The following LTBP1 variants were observed in gnomAD, a reference collection of about 807,000 sequenced individuals.
The protein encoded by LTBP1 is latent-transforming growth factor beta-binding protein 1.
Under a neutral mutation model 207.6 loss-of-function variants are expected in LTBP1, and 129 were observed. That is an observed-to-expected ratio of 0.62 (90% CI 0.54 to 0.72). The LOEUF is 0.72. LTBP1 is among the 30% of genes least tolerant of loss of function. LTBP1 has a pLI of 0.00. For synonymous variants in LTBP1, 963 were observed against 833.7 expected, an observed-to-expected ratio of 1.16 and a Z score of -2.67; for missense variants, 2,281 against 2,217.2, an observed-to-expected ratio of 1.03 and a Z score of -0.58.
intron 5 of LTBP1, among the ~76,000 whole-genome samples, chr2:33,185,398 T>C (rs1225215219): frequency 6.6e-6 from 1 of 152,174 alleles, no homozygotes; most frequent in African/African-American, 2.4e-5. Flanking sequence ...GAGGTGCCTA[T>C]GAAATATGTA....
chr2:33,302,974 CACACACACACAA>C (rs1255931199), intron 22 of LTBP1, among the ~76,000 whole-genome samples: 45 of 150,960 alleles, frequency 3.0e-4, no homozygotes, highest in African/African-American at 1.0e-3. Flanking sequence ...CACACACACA[CACACACACACAA>C]ACACACACAA....
chr2:32,980,191 C>T (rs956068200), intron 2 of LTBP1, among the ~76,000 whole-genome samples: 1 of 152,074 alleles, frequency 6.6e-6, no homozygotes, highest in Non-Finnish European at 1.5e-5. Flanking sequence ...TAAGGACTTA[C>T]TCTTACAATT....
At chr2:32,955,503 T>G (rs544844254) in intron 2 of LTBP1, among the ~76,000 whole-genome samples, 3 of 152,050 alleles carry the variant, frequency 2.0e-5, no homozygotes, top group Non-Finnish European at 4.4e-5. Flanking sequence ...TTACAAAATT[T>G]TTAAAGTTAT....
At chr2:32,958,628 C>T (rs1345677963) in intron 2 of LTBP1, among the ~76,000 whole-genome samples, 2 of 152,158 alleles carry the variant, frequency 1.3e-5, no homozygotes, top group East Asian at 1.9e-4. Context: ...GGAGTTGAGT[C>T]GAAGTAGCAT....
At chr2:33,138,888 T>C (rs1383558069) in intron 5 of LTBP1, among the ~76,000 whole-genome samples, 7 of 123,300 alleles carry the variant, frequency 5.7e-5, no homozygotes, top group African/African-American at 9.5e-5. Context: ...AGACGGAGTC[T>C]CGCTCTGTCG....
intron 9 of LTBP1, among the ~76,000 whole-genome samples, chr2:33,240,583 G>A (rs2092276448): frequency 6.6e-6 from 1 of 151,798 alleles, no homozygotes; most frequent in Non-Finnish European, 1.5e-5. Context: ...TAAAATTATG[G>A]GGATAAGTTG....
intron 2 of LTBP1, among the ~76,000 whole-genome samples, chr2:32,966,375 G>C (rs1467232442): frequency 1.3e-4 from 19 of 151,946 alleles, no homozygotes; most frequent in Non-Finnish European, 1.5e-5. Flanking sequence ...TTGTGCCTTT[G>C]GTGTTATATC....
At chr2:33,073,772 G>T (rs1399186706) in intron 3 of LTBP1, among the ~76,000 whole-genome samples, 1 of 152,020 alleles carries the variant, frequency 6.6e-6, no homozygotes, top group African/African-American at 2.4e-5. Flanking sequence ...GATTACAGGT[G>T]CCTGTCACCA....
chr2:32,955,336 T>C (rs907128006), intron 2 of LTBP1, among the ~76,000 whole-genome samples: 1 of 152,244 alleles, frequency 6.6e-6, no homozygotes, highest in African/African-American at 2.4e-5. Context: ...CCAGTTTTTC[T>C]TTAGTTAGTT....
intron 1 of LTBP1, among the ~76,000 whole-genome samples, chr2:32,948,055 A>G (rs1676525348): frequency 6.6e-6 from 1 of 152,206 alleles, no homozygotes; most frequent in Admixed American, 6.5e-5. Flanking sequence ...AGCTGCGGGT[A>G]AACACAAAAG....
chr2:32,955,365 T>A (rs529288687), intron 2 of LTBP1, among the ~76,000 whole-genome samples: 1 of 152,246 alleles, frequency 6.6e-6, no homozygotes. Flanking sequence ...GAAGTATATA[T>A]GTGTATTTTT....
At chr2:33,274,643 T>C (rs961754878) in intron 16 of LTBP1, among the ~76,000 whole-genome samples, 10 of 152,222 alleles carry the variant, frequency 6.6e-5, no homozygotes, top group African/African-American at 2.2e-4. Flanking sequence ...TCTGACTCCC[T>C]ACTGACAGCA....
At chr2:33,250,910 G>A (rs2092664490) in intron 10 of LTBP1, among the ~76,000 whole-genome samples, 1 of 152,258 alleles carries the variant, frequency 6.6e-6, no homozygotes, top group South Asian at 2.1e-4. Context: ...CATGGACTGC[G>A]TGAGAAGCAG....
intron 2 of LTBP1, among the ~76,000 whole-genome samples, chr2:33,008,277 G>C (rs1356705399): frequency 6.6e-6 from 1 of 152,202 alleles, no homozygotes; most frequent in African/African-American, 2.4e-5. Flanking sequence ...AATAATGTAA[G>C]TTCCAACATA....
rs965054168 is a variant in LTBP1 at position 33,268,645 on chromosome 2, T to G, written c.2618-5011T>G. On this transcript the variant is annotated intron_variant, in intron 15 of 33. Coordinates refer to ENST00000404816, the MANE Select transcript of LTBP1 (RefSeq NM_206943.4). ...AAATTCTTGATTTAGCATAGTGTCT[T>G]AATAGCTAAAGGATAGGTTGGGAAA... is the stretch of plus-strand genomic sequence containing the variant. Among the ~76,000 whole-genome samples the G allele has an allele frequency of 1.5e-4, 23 of 152,252 alleles. 1 individual carries two copies. Among genetic ancestry groups the G allele is most frequent in the Non-Finnish European group, 5.9e-5 (4 of 68,044 alleles).
chr2:33,196,672 C>A (rs1297067374), intron 7 of LTBP1, among the ~76,000 whole-genome samples: 1 of 152,136 alleles, frequency 6.6e-6, no homozygotes, highest in African/African-American at 2.4e-5. Flanking sequence ...TAAATAAATG[C>A]TAACTAAATA....
At chr2:33,341,729 A>AAAAAAAATATATATAT (rs745445793) in intron 24 of LTBP1, among the ~76,000 whole-genome samples, 8 of 93,620 alleles carry the variant, frequency 8.5e-5, no homozygotes, top group South Asian at 3.9e-4. Context: ...AAAAAAAAAA[A>AAAAAAAATATATATAT]ATATATATAT....
chr2:33,058,207 A>G (rs1453430497), intron 3 of LTBP1, among the ~76,000 whole-genome samples: 3 of 152,254 alleles, frequency 2.0e-5, no homozygotes, highest in Non-Finnish European at 4.4e-5. Flanking sequence ...ATAGAAATTC[A>G]TTAATATTTA....
intron 2 of LTBP1, among the ~76,000 whole-genome samples, chr2:32,968,245 C>T (rs377424204): frequency 1.2e-4 from 18 of 152,008 alleles, no homozygotes; most frequent in South Asian, 2.1e-4. Context: ...GGATTACAGG[C>T]GTGAGCCACC....
Sources: gnomAD v4.1 joint callset for allele counts (sites outside exome capture counted in the v4.1 genomes callset) on GRCh38, gnomAD v4.1.1 for gene constraint, MANE v1.5 for transcripts, NCBI Gene and HGNC (gene_info 2026-07-23, HGNC 2026-07-21) for gene names.